The following EYS variants were observed in gnomAD, a reference collection of about 807,000 sequenced individuals.
EYS encodes the protein EGF-like photoreceptor maintenance factor.
In EYS, 250 loss-of-function variants were observed where a neutral mutation model predicts 282.1. That is an observed-to-expected ratio of 0.89 (90% CI 0.80 to 0.98). EYS has a LOEUF of 0.98. Among genes scored for constraint, EYS ranks in the 50% least tolerant of loss-of-function variants. The pLI is 0.00. For synonymous variants in EYS, 1,355 were observed against 1,282.9 expected (o/e 1.06, Z -1.20); for missense variants, 4,016 against 3,709.0 (o/e 1.08, Z -2.15).
chr6:65,589,184 C>T (rs539868853), intron 2 of EYS, among the ~76,000 whole-genome samples: 5 of 152,088 alleles, frequency 3.3e-5, no homozygotes, highest in African/African-American at 1.2e-4. Flanking sequence ...AACTATTTTT[C>T]TCTGATCCCA....
At chr6:64,083,937 T>C (rs1462612373) in intron 31 of EYS, among the ~76,000 whole-genome samples, 2 of 152,058 alleles carry the variant, frequency 1.3e-5, no homozygotes, top group African/African-American at 4.8e-5. Context: ...GGGGTTTCAC[T>C]ATGTTGGCCA....
intron 27 of EYS, among the ~76,000 whole-genome samples, chr6:64,436,599 A>T (rs941110289): frequency 3.3e-5 from 5 of 151,892 alleles, no homozygotes; most frequent in African/African-American, 4.8e-5. Flanking sequence ...AATTTTCCTT[A>T]CATAACAGCA....
intron 22 of EYS, among the ~76,000 whole-genome samples, chr6:64,766,246 C>T (rs1193321575): frequency 6.6e-6 from 1 of 151,726 alleles, no homozygotes; most frequent in Non-Finnish European, 1.5e-5. Context: ...CTCTTCCCTT[C>T]CCTGATCTGC....
chr6:63,883,013 C>G (rs1581931042), intron 35 of EYS, among the ~76,000 whole-genome samples: 1 of 152,086 alleles, frequency 6.6e-6, no homozygotes, highest in Non-Finnish European at 1.5e-5. Context: ...ATTTTACTCC[C>G]CAGCAGCTGA....
intron 26 of EYS, among the ~76,000 whole-genome samples, chr6:64,455,240 TC>T (rs1282179059): frequency 2.0e-5 from 3 of 152,072 alleles, no homozygotes; most frequent in African/African-American, 7.2e-5. Context: ...TAATACTATA[TC>T]ATCTGTGAAT....
chr6:65,417,195 T>C (rs1767273078), intron 5 of EYS, among the ~76,000 whole-genome samples: 1 of 151,926 alleles, frequency 6.6e-6, no homozygotes, highest in Admixed American at 6.6e-5. Context: ...TCTAAACATG[T>C]ACAAAAATTC....
chr6:65,450,832 G>T (rs532415650), intron 5 of EYS, among the ~76,000 whole-genome samples: 65 of 152,192 alleles, frequency 4.3e-4, no homozygotes, highest in Admixed American at 1.3e-3. Context: ...TTATGCTGAA[G>T]AATTTTGTTT....
At chr6:63,868,816 T>C (rs1409589184) in intron 35 of EYS, among the ~76,000 whole-genome samples, 1 of 152,172 alleles carries the variant, frequency 6.6e-6, no homozygotes, top group Non-Finnish European at 1.5e-5. Context: ...CCTTAAAAAA[T>C]TGGAATTTCT....
chr6:64,868,298 TA>T (rs1290906313), intron 19 of EYS, among the ~76,000 whole-genome samples: 1 of 151,510 alleles, frequency 6.6e-6, no homozygotes, highest in African/African-American at 2.4e-5. Context: ...TAGAATTGGA[TA>T]TTTTTTTCTC....
chr6:65,444,436 G>A (rs952832364), intron 5 of EYS, among the ~76,000 whole-genome samples: 1 of 151,956 alleles, frequency 6.6e-6, no homozygotes, highest in Non-Finnish European at 1.5e-5. Context: ...TAAACAAGTG[G>A]TGCTTACTTT....
At chr6:64,816,886 A>G (rs961061506) in intron 21 of EYS, among the ~76,000 whole-genome samples, 1 of 151,908 alleles carries the variant, frequency 6.6e-6, no homozygotes, top group Non-Finnish European at 1.5e-5. Flanking sequence ...AAAAAAGGAT[A>G]CTAATTAAAT....
Position 65,512,472 on chromosome 6 carries a change from G to A in EYS, c.-332-16479C>T, listed in dbSNP as rs377035292. On this transcript the variant is annotated intron_variant, in intron 2 of 42. Coordinates refer to ENST00000503581, the MANE Select transcript of EYS (RefSeq NM_001142800.2). Reference sequence around the variant, plus strand: ...CCACTGCACTCCATCCAGTCTGGGCGACAGAGCGAGACTCTATCTCAAAAA... The same window carrying A: ...CCACTGCACTCCATCCAGTCTGGGCAACAGAGCGAGACTCTATCTCAAAAA... 7.7e-4 allele frequency among the ~76,000 whole-genome samples: 106 copies of A among 137,034 alleles called. 1 individual carries two copies. Among genetic ancestry groups the A allele is most frequent in the East Asian group, 6.4e-3 (30 of 4,716 alleles). The allele number at this position is 137,034 out of a possible 152,430, so 89.9% of individuals were successfully genotyped here. A position where few individuals can be genotyped will look rare whatever the true frequency, so the allele number is the denominator to read the frequency against.
chr6:64,247,928 G>A (rs1359969452), intron 30 of EYS, among the ~76,000 whole-genome samples: 2 of 152,008 alleles, frequency 1.3e-5, no homozygotes, highest in Non-Finnish European at 2.9e-5. Flanking sequence ...AGACAAAAGA[G>A]GGCCTGCTGA....
rs1230917179 is a variant in EYS, at chr6:64,912,602, A to G, written c.2523T>C (p.Tyr841=). ...AGCGTTGGTGGCAAAATTGTCCAGT[A>G]TAAAGGGGTGGGCACAGACATACAA... ...GQFVCLCPPL[Y]TGQFCHQRYN... The change falls in exon 16 of 43, where the codon TAT becomes TAC. Residue 841 remains tyrosine, a synonymous_variant. Transcript: ENST00000503581. 3 of 1,551,234 alleles carry G rather than the reference A, an allele frequency of 1.9e-6. No individual in the cohort carries two copies. The highest frequency in any genetic ancestry group is 2.6e-6 in the Non-Finnish European group (3 of 1,146,740).
At chr6:63,767,157 C>T (rs1018004683) in intron 40 of EYS, among the ~76,000 whole-genome samples, 3 of 152,022 alleles carry the variant, frequency 2.0e-5, no homozygotes, top group African/African-American at 7.2e-5. Context: ...AACCATTCCC[C>T]TTGAGAACTG....
chr6:64,143,168 A>G (rs749782667), intron 31 of EYS, among the ~76,000 whole-genome samples: 21 of 152,108 alleles, frequency 1.4e-4, no homozygotes, highest in Non-Finnish European at 2.9e-4. Flanking sequence ...AGGATGATGG[A>G]GAGAGGGATG....
At chr6:64,843,592 C>T (rs1343302925) in intron 19 of EYS, among the ~76,000 whole-genome samples, 2 of 152,096 alleles carry the variant, frequency 1.3e-5, no homozygotes, top group African/African-American at 4.8e-5. Flanking sequence ...CCAATTTCTC[C>T]CATTTGGAAT....
chr6:64,622,523 A>G (rs1767477299), intron 23 of EYS, among the ~76,000 whole-genome samples: 1 of 152,176 alleles, frequency 6.6e-6, no homozygotes, highest in African/African-American at 2.4e-5. Context: ...TCTGTTCAGA[A>G]TGTTGCAGGA....
chr6:65,285,447 G>C (rs1160955990), intron 12 of EYS, among the ~76,000 whole-genome samples: 1 of 151,716 alleles, frequency 6.6e-6, no homozygotes, highest in Non-Finnish European at 1.5e-5. Flanking sequence ...TTGCATTTTT[G>C]GATGCTGTTT....
Sources: gnomAD v4.1 joint callset for allele counts (sites outside exome capture counted in the v4.1 genomes callset) on GRCh38, gnomAD v4.1.1 for gene constraint, MANE v1.5 for transcripts, NCBI Gene and HGNC (gene_info 2026-07-23, HGNC 2026-07-21) for gene names.